Variants in NXPE4 observed in about 807,000 individuals in gnomAD.
NXPE4 encodes the protein neurexophilin and PC-esterase domain family member 4.
Under a neutral mutation model 33.3 loss-of-function variants are expected in NXPE4, and 42 were observed. That is an observed-to-expected ratio of 1.26 (90% CI 0.98 to 1.63). The LOEUF is 1.63. Among genes scored for constraint, NXPE4 ranks in the 40% most tolerant of loss-of-function variants. NXPE4 has a pLI of 0.00. For missense variants in NXPE4, 709 were observed against 647.6 expected (o/e 1.09, Z -1.03); for synonymous variants, 253 against 234.9 (o/e 1.08, Z -0.71).
upstream of NXPE4, among the ~76,000 whole-genome samples, chr11:114,598,118 A>G (rs942592004): frequency 3.3e-5 from 5 of 152,158 alleles, no homozygotes; most frequent in African/African-American, 7.2e-5. Flanking sequence ...AAAAGGGAAA[A>G]ATTGGCAGAA....
At chr11:114,657,192 A>T in the NXPE4 span, among the ~76,000 whole-genome samples, 987 of 152,266 alleles carry the variant, frequency 6.5e-3, 6 homozygotes, top group Non-Finnish European at 9.5e-3. Flanking sequence ...CTCCACATGG[A>T]ATTCCCCTGA....
chr11:114,624,672 T>C, the NXPE4 span, among the ~76,000 whole-genome samples: 1 of 151,982 alleles, frequency 6.6e-6, no homozygotes, highest in East Asian at 2.0e-4. Context: ...CATGGTTACC[T>C]GGTGGAAAAT....
At chr11:114,663,674 C>CTATT in the NXPE4 span, among the ~76,000 whole-genome samples, 10 of 126,198 alleles carry the variant, frequency 7.9e-5, no homozygotes, top group African/African-American at 3.2e-5. Context: ...TATCATCTAT[C>CTATT]TATTTATCTA....
At chr11:114,615,354 G>T in the NXPE4 span, among the ~76,000 whole-genome samples, 1 of 151,900 alleles carries the variant, frequency 6.6e-6, no homozygotes, top group Admixed American at 6.6e-5. Flanking sequence ...GTTTTGCCTC[G>T]TGGATAACCA....
chr11:114,576,057 G>T (rs994024818), intron 5 of NXPE4, among the ~76,000 whole-genome samples: 3 of 152,062 alleles, frequency 2.0e-5, no homozygotes, highest in African/African-American at 7.2e-5. Context: ...AATACTTACA[G>T]CCAACTGATC....
At chr11:114,636,855 C>A in the NXPE4 span, among the ~76,000 whole-genome samples, 1 of 152,058 alleles carries the variant, frequency 6.6e-6, no homozygotes, top group Non-Finnish European at 1.5e-5. Context: ...TGTTCTTTTA[C>A]ATTTTCTGAG....
chr11:114,640,221 TTATATA>T, the NXPE4 span, among the ~76,000 whole-genome samples: 6 of 139,352 alleles, frequency 4.3e-5, no homozygotes, highest in African/African-American at 1.6e-4. Flanking sequence ...AAAATGTAAT[TTATATA>T]TATAAATTAT....
At chr11:114,635,849 T>C in the NXPE4 span, among the ~76,000 whole-genome samples, 247 of 152,146 alleles carry the variant, frequency 1.6e-3, no homozygotes, top group African/African-American at 5.6e-3. Context: ...TTTTGATGTG[T>C]TGCTGTATTC....
chr11:114,615,656 C>T, the NXPE4 span, among the ~76,000 whole-genome samples: 11 of 151,646 alleles, frequency 7.3e-5, no homozygotes, highest in Non-Finnish European at 1.6e-4. Flanking sequence ...AGGGTAACCA[C>T]TGTTACCCGA....
the NXPE4 span, among the ~76,000 whole-genome samples, chr11:114,649,645 T>C: frequency 4.0e-3 from 606 of 152,198 alleles, 5 homozygotes; most frequent in Non-Finnish European, 6.1e-3. Flanking sequence ...CCCTATGAAA[T>C]ATAAAGTAGG....
the NXPE4 span, among the ~76,000 whole-genome samples, chr11:114,657,111 C>T: frequency 6.6e-6 from 1 of 152,060 alleles, no homozygotes; most frequent in Non-Finnish European, 1.5e-5. Flanking sequence ...AACAAACAAA[C>T]ACCAAATTAC....
chr11:114,625,097 GATA>G, the NXPE4 span, among the ~76,000 whole-genome samples: 1 of 152,148 alleles, frequency 6.6e-6, no homozygotes, highest in Non-Finnish European at 1.5e-5. Flanking sequence ...TTACCTGGTG[GATA>G]ATAAGTATTG....
At chr11:114,583,436 G>A in intron 2 of NXPE4, 1 of 669,378 alleles carries the variant, frequency 1.5e-6, no homozygotes, top group South Asian at 1.4e-5. Flanking sequence ...AGCCAATGCT[G>A]AGGAGATGAC....
the NXPE4 span, among the ~76,000 whole-genome samples, chr11:114,675,439 T>C: frequency 6.6e-6 from 1 of 151,848 alleles, no homozygotes; most frequent in African/African-American, 2.4e-5. Flanking sequence ...GTTAGAACTG[T>C]TGAACAAATT....
the NXPE4 span, among the ~76,000 whole-genome samples, chr11:114,624,564 G>A: frequency 6.6e-6 from 1 of 151,634 alleles, no homozygotes; most frequent in East Asian, 1.9e-4. Flanking sequence ...AATAAGTATT[G>A]CCCCGTGGGT....
At chr11:114,607,031 C>G in the NXPE4 span, among the ~76,000 whole-genome samples, 2 of 151,990 alleles carry the variant, frequency 1.3e-5, no homozygotes, top group Non-Finnish European at 2.9e-5. Context: ...TCACGGTTAC[C>G]CAGTGGATAA....
At chr11:114,658,155 T>C in the NXPE4 span, among the ~76,000 whole-genome samples, 6 of 152,300 alleles carry the variant, frequency 3.9e-5, no homozygotes, top group Non-Finnish European at 8.8e-5. Flanking sequence ...TCATTTAACT[T>C]ATTAGAAATT....
intron 2 of NXPE4, among the ~76,000 whole-genome samples, chr11:114,594,346 A>G (rs1327890387): frequency 6.6e-6 from 1 of 152,308 alleles, no homozygotes; most frequent in East Asian, 1.9e-4. Context: ...TTAAAAACAA[A>G]CAAATGAAAA....
the NXPE4 span, among the ~76,000 whole-genome samples, chr11:114,611,965 T>C: frequency 3.9e-5 from 6 of 152,126 alleles, no homozygotes; most frequent in South Asian, 1.2e-3. Flanking sequence ...TAATAAGTAT[T>C]GCCTCGTGGG....
Sources: gnomAD v4.1 joint callset for allele counts (sites outside exome capture counted in the v4.1 genomes callset) on GRCh38, gnomAD v4.1.1 for gene constraint, MANE v1.5 for transcripts, NCBI Gene and HGNC (gene_info 2026-07-23, HGNC 2026-07-21) for gene names.